Variants in SLC24A2 observed in about 807,000 individuals in gnomAD.
SLC24A2 encodes the protein sodium/potassium/calcium exchanger 2.
SLC24A2 carries 36 observed loss-of-function variants against 62.0 expected under a neutral mutation model. The observed-to-expected ratio is 0.58, with a 90% CI of 0.44 to 0.77. SLC24A2 has a LOEUF of 0.77. Among genes scored for constraint, SLC24A2 ranks in the 30% least tolerant of loss-of-function variants. SLC24A2 has a pLI of 0.00. For missense variants in SLC24A2, 846 were observed against 817.9 expected (o/e 1.03, Z -0.42); for synonymous variants, 358 against 294.0 (o/e 1.22, Z -2.23).
chr9:19,742,253 C>A (rs1410227842), intron 2 of SLC24A2, among the ~76,000 whole-genome samples: 9 of 152,086 alleles, frequency 5.9e-5, no homozygotes, highest in Admixed American at 4.6e-4. Context: ...ACAAAGAGCA[C>A]CCTGTTAAGA....
the SLC24A2 span, among the ~76,000 whole-genome samples, chr9:20,189,767 C>T: frequency 6.6e-6 from 1 of 152,286 alleles, no homozygotes; most frequent in African/African-American, 2.4e-5. Flanking sequence ...CTCTGCAAAT[C>T]GCATTACTTT....
rs958386457 is a variant in SLC24A2 at position 19,637,798 on chromosome 9, T to C, written c.931-15499A>G. On this transcript the variant is annotated intron_variant, in intron 2 of 10. Transcript: ENST00000341998. The stretch of plus-strand genomic sequence containing the variant: ...AGCAGGGCTGAGATTAGAACCTGTG[T>C]TGGTAAAATGCCATTTCCCATCACA... 3.9e-5 allele frequency among the ~76,000 whole-genome samples: 6 copies of C among 152,192 alleles called. No individual in the cohort carries two copies. The South Asian group carries it at 6.2e-4, about 16-fold the overall frequency.
intron 2 of SLC24A2, among the ~76,000 whole-genome samples, chr9:19,654,202 A>G (rs903409371): frequency 1.3e-5 from 2 of 152,176 alleles, no homozygotes; most frequent in Admixed American, 1.3e-4. Context: ...TATAGAATGT[A>G]GCCTTTGATA....
At chr9:20,201,747 TAGAG>T in the SLC24A2 span, among the ~76,000 whole-genome samples, 1 of 152,190 alleles carries the variant, frequency 6.6e-6, no homozygotes, top group Non-Finnish European at 1.5e-5. Context: ...GCTTTGAGTT[TAGAG>T]AGAGGAGAAA....
chr9:20,070,047 T>G, the SLC24A2 span, among the ~76,000 whole-genome samples: 2 of 152,206 alleles, frequency 1.3e-5, no homozygotes, highest in Non-Finnish European at 2.9e-5. Context: ...TGACTTATTT[T>G]TATTATTTAT....
chr9:19,847,154 A>T, the SLC24A2 span, among the ~76,000 whole-genome samples: 2 of 152,254 alleles, frequency 1.3e-5, no homozygotes, highest in Admixed American at 1.3e-4. Flanking sequence ...TGCTATATAA[A>T]TGCAAGTAAA....
At chr9:20,271,961 C>T in the SLC24A2 span, among the ~76,000 whole-genome samples, 1 of 142,796 alleles carries the variant, frequency 7.0e-6, no homozygotes, top group African/African-American at 2.6e-5. Context: ...GAGATGCTGC[C>T]CATCTGGAGG....
At chr9:20,086,982 C>T in the SLC24A2 span, among the ~76,000 whole-genome samples, 1 of 152,144 alleles carries the variant, frequency 6.6e-6, no homozygotes, top group East Asian at 1.9e-4. Context: ...AGGAAATGAC[C>T]ACCTTCCTAA....
the SLC24A2 span, among the ~76,000 whole-genome samples, chr9:20,131,560 A>T: frequency 6.6e-6 from 1 of 152,186 alleles, no homozygotes; most frequent in Non-Finnish European, 1.5e-5. Flanking sequence ...CAAAGGCCTA[A>T]GAAGTAAGAT....
chr9:20,064,174 T>C, the SLC24A2 span, among the ~76,000 whole-genome samples: 3 of 152,166 alleles, frequency 2.0e-5, no homozygotes, highest in African/African-American at 7.2e-5. Context: ...TGTTAAAATA[T>C]GGATGGACCT....
chr9:20,127,620 T>G, the SLC24A2 span, among the ~76,000 whole-genome samples: 1 of 152,158 alleles, frequency 6.6e-6, no homozygotes, highest in Admixed American at 6.6e-5. Context: ...TTGCAGAGAT[T>G]TTCAATGAGA....
intron 2 of SLC24A2, among the ~76,000 whole-genome samples, chr9:19,631,822 C>T (rs1373045541): frequency 6.6e-6 from 1 of 152,214 alleles, no homozygotes; most frequent in African/African-American, 2.4e-5. Context: ...CCCTGGGACC[C>T]TGTGCCCAGA....
chr9:19,810,096 G>A, the SLC24A2 span, among the ~76,000 whole-genome samples: 1 of 152,192 alleles, frequency 6.6e-6, no homozygotes, highest in African/African-American at 2.4e-5. Context: ...ATAGCAAGCA[G>A]CAAAGAGAAA....
the SLC24A2 span, among the ~76,000 whole-genome samples, chr9:20,119,853 A>G: frequency 2.6e-5 from 4 of 152,166 alleles, no homozygotes; most frequent in African/African-American, 9.6e-5. Context: ...TACATAGAAA[A>G]TCCTAAGGAA....
chr9:19,531,957 C>G (rs1048042791), intron 8 of SLC24A2, among the ~76,000 whole-genome samples: 1 of 152,182 alleles, frequency 6.6e-6, no homozygotes, highest in Non-Finnish European at 1.5e-5. Context: ...ACAATATAGT[C>G]ATGCCCTTGT....
the SLC24A2 span, among the ~76,000 whole-genome samples, chr9:19,820,036 T>TACAC: frequency 2.8e-5 from 1 of 35,708 alleles, no homozygotes; most frequent in Non-Finnish European, 1.1e-4. Context: ...CACATATATA[T>TACAC]ATATACATAT....
intron 1 of SLC24A2, chr9:19,788,665 C>G (rs936178199): frequency 3.5e-5 from 34 of 985,274 alleles, no homozygotes; most frequent in East Asian, 3.4e-4. Flanking sequence ...CCACGCCCCC[C>G]ATCCCAAGCC....
chr9:19,719,635 T>C (rs1391086066), intron 2 of SLC24A2, among the ~76,000 whole-genome samples: 1 of 152,162 alleles, frequency 6.6e-6, no homozygotes, highest in Non-Finnish European at 1.5e-5. Context: ...ACTTAGGAAT[T>C]TATGGAAAGT....
chr9:20,297,969 G>A, the SLC24A2 span, among the ~76,000 whole-genome samples: 1 of 151,888 alleles, frequency 6.6e-6, no homozygotes, highest in Admixed American at 6.6e-5. Flanking sequence ...AACCCTCCTT[G>A]GCTGGCTTGC....
Sources: allele counts gnomAD v4.1 joint callset (sites outside exome capture counted in the v4.1 genomes callset), GRCh38; gene constraint gnomAD v4.1.1; transcripts MANE v1.5; gene names NCBI Gene and HGNC (gene_info 2026-07-23, HGNC 2026-07-21).